CAT: variants seen among roughly 807,000 people sequenced by gnomAD.
CAT encodes the protein catalase.
A neutral mutation model predicts 59.0 loss-of-function variants in CAT; 43 were observed. The observed-to-expected ratio is 0.73, with a 90% CI of 0.57 to 0.94. CAT has a LOEUF of 0.94. Among genes scored for constraint, CAT ranks in the 40% least tolerant of loss-of-function variants. The pLI is 0.00. For missense variants in CAT, 664 were observed against 682.9 expected, an observed-to-expected ratio of 0.97 and a Z score of 0.31; for synonymous variants, 218 against 230.9, an observed-to-expected ratio of 0.94 and a Z score of 0.51.
At chr11:34,458,651 C>T (rs1281551436) in intron 8 of CAT, among the ~76,000 whole-genome samples, 2 of 152,078 alleles carry the variant, frequency 1.3e-5, no homozygotes, top group Non-Finnish European at 2.9e-5. Flanking sequence ...CCCTGGTTAC[C>T]CAGGGAGGGA....
rs746696181 is a variant in CAT at position 34,452,180 on chromosome 11, C to T, written c.453C>T (p.Pro151=). ...GGGATCTCGTTGGAAATAACACCCC[C>T]ATTTTCTTCATCAGGGATCCCATAT... ...GNWDLVGNNT[P]IFFIRDPILF... is the part of the protein sequence containing the mutation. The change falls in exon 4 of 13, where the codon CCC becomes CCT. Residue 151 remains proline (P), a synonymous_variant. Transcript: ENST00000241052. 6 of 1,613,818 alleles carry T rather than the reference C, an allele frequency of 3.7e-6. No homozygotes were observed. The South Asian group carries it at 6.6e-5, about 18-fold the overall frequency.
intron 4 of CAT, 114 bp from the exon 5 acceptor site, chr11:34,452,976 G>C: frequency 2.7e-6 from 2 of 739,214 alleles, no homozygotes; most frequent in Non-Finnish European, 4.8e-6. Flanking sequence ...TAAAATTCTA[G>C]GATTGTATTT....
In CAT at chr11:34,449,131, A is replaced by T. The variant is rs17884576; in HGVS notation, c.67-61A>T. The T allele has an allele frequency of 1.8e-5, 25 of 1,363,614 alleles. No homozygotes were observed. The Admixed American group carries it at 3.7e-4, about 20-fold the overall frequency. The allele number at this position is 1,363,614 out of a possible 1,614,324, so 84.5% of individuals were successfully genotyped here. A position where few individuals can be genotyped will look rare whatever the true frequency, so the allele number is the denominator to read the frequency against. On this transcript the variant is annotated intron_variant, in intron 1 of 12. Coordinates refer to ENST00000241052, the MANE Select transcript of CAT (RefSeq NM_001752.4). Reference sequence around the variant, plus strand: ...CATTGCAAAGCTATGTACCCGTGACAGTGTAAATGAAAGGTTTGATTGTGC... The same window carrying T: ...CATTGCAAAGCTATGTACCCGTGACTGTGTAAATGAAAGGTTTGATTGTGC...
At chr11:34,466,328 A>G (rs992189140) in intron 10 of CAT, among the ~76,000 whole-genome samples, 4 of 152,244 alleles carry the variant, frequency 2.6e-5, no homozygotes, top group African/African-American at 7.2e-5. Context: ...GCATTCAACA[A>G]TAAATGACCA....
intron 8 of CAT, among the ~76,000 whole-genome samples, chr11:34,458,764 G>A (rs1856617361): frequency 6.6e-6 from 1 of 152,236 alleles, no homozygotes; most frequent in South Asian, 2.1e-4. Context: ...CAGCAGCACT[G>A]AGTCATATAA....
chr11:34,460,153 C>T (rs1300639140), intron 8 of CAT, among the ~76,000 whole-genome samples: 1 of 152,054 alleles, frequency 6.6e-6, no homozygotes, highest in African/African-American at 2.4e-5. Context: ...AAAAATTGCT[C>T]ATAGAAAAGG....
chr11:34,447,463 G>A (rs1472039130), intron 1 of CAT, among the ~76,000 whole-genome samples: 7 of 152,060 alleles, frequency 4.6e-5, no homozygotes, highest in African/African-American at 7.3e-5. Context: ...ACCTACAGAG[G>A]GTAACACGTA....
rs531889175 is a variant in CAT at position 34,453,000 on chromosome 11, A to G, written c.481-90A>G. 4.2e-5 allele frequency: 34 copies of G among 800,378 alleles called. No individual in the cohort carries two copies. In the East Asian group the frequency reaches 6.8e-4, roughly 16 times the overall value. 49.6% of individuals were successfully genotyped at this position (800,378 alleles called of 1,614,324 possible). ...AGGATTGTATTTAGAATTATAATCC[A>G]TAAACCTAGTAATAGGCATATATAA... is the stretch of plus-strand genomic sequence containing the variant. On this transcript the variant is annotated intron_variant, in intron 4 of 12. Coordinates refer to ENST00000241052, the MANE Select transcript of CAT (RefSeq NM_001752.4).
intron 8 of CAT, among the ~76,000 whole-genome samples, chr11:34,460,467 T>C (rs1856637230): frequency 6.7e-6 from 1 of 148,786 alleles, no homozygotes; most frequent in South Asian, 2.1e-4. Context: ...TTTTTTTTTT[T>C]TTTTCTGATC....
At chr11:34,447,090 T>C (rs1856465864) in intron 1 of CAT, among the ~76,000 whole-genome samples, 1 of 152,184 alleles carries the variant, frequency 6.6e-6, no homozygotes, top group Non-Finnish European at 1.5e-5. Flanking sequence ...ACCTTGTTTG[T>C]AAGTTGAAAA....
chr11:34,448,938 G>T (rs1856489439), intron 1 of CAT, among the ~76,000 whole-genome samples: 1 of 152,150 alleles, frequency 6.6e-6, no homozygotes, highest in Non-Finnish European at 1.5e-5. Flanking sequence ...CACATTTTCA[G>T]GCTCCAAAAT....
Position 34,449,792 on chromosome 11 carries a change from T to C in CAT, c.238+429T>C, listed in dbSNP as rs546691675. ...AAATAGAGACTCAAAATACCTCTTA[T>C]ATTAAACATTGAAATAAATGTGAGC... On this transcript the variant is annotated intron_variant, in intron 2 of 12. Coordinates refer to ENST00000241052, the MANE Select transcript of CAT (RefSeq NM_001752.4). Among the ~76,000 whole-genome samples, 3 of 152,342 alleles carry C rather than the reference T, an allele frequency of 2.0e-5. 1 individual carries two copies. The South Asian group carries it at 6.2e-4, about 32-fold the overall frequency.
Position 34,471,606 on chromosome 11 carries a change from G to A in CAT, c.*173G>A. ...AACAATTTTAATGCTATTTCCCCAG[G>A]GGAAAATGAAGGTTAGGATTTAACA... On this transcript the variant is annotated 3_prime_UTR_variant, in exon 13 of 13. Coordinates refer to ENST00000241052, the MANE Select transcript of CAT (RefSeq NM_001752.4). The A allele has an allele frequency of 3.1e-6, 2 of 650,414 alleles. No individual in the cohort carries two copies. Among genetic ancestry groups the A allele is most frequent in the Non-Finnish European group, 2.8e-6 (1 of 358,398 alleles). The allele number at this position is 650,414 out of a possible 1,614,324, so 40.3% of individuals were successfully genotyped here.
intron 10 of CAT, among the ~76,000 whole-genome samples, chr11:34,464,916 A>G (rs769653640): frequency 2.0e-5 from 3 of 151,408 alleles, no homozygotes; most frequent in Non-Finnish European, 4.4e-5. Flanking sequence ...ATGGAATCCT[A>G]TTGACTTGGC....
intron 8 of CAT, among the ~76,000 whole-genome samples, chr11:34,459,948 A>G (rs978158847): frequency 6.6e-6 from 1 of 152,250 alleles, no homozygotes; most frequent in African/African-American, 2.4e-5. Flanking sequence ...TGAAATGATG[A>G]TAAGAGGGAG....
intron 1 of CAT, among the ~76,000 whole-genome samples, chr11:34,448,304 A>T (rs1397199514): frequency 1.3e-5 from 2 of 152,150 alleles, no homozygotes; most frequent in Non-Finnish European, 2.9e-5. Context: ...TCCCAGGTGG[A>T]GGTGGCGTAG....
At chr11:34,453,279 T>G (rs1420525657) in intron 5 of CAT, 85 bp downstream of exon 5, 1 of 887,742 alleles carries the variant, frequency 1.1e-6, no homozygotes, top group Non-Finnish European at 1.9e-6. Context: ...TCTCCAGTTT[T>G]GGCTATTTTA....
chr11:34,460,623 A>ATT (rs1249336440), intron 8 of CAT: 12 of 151,480 alleles, frequency 7.9e-5, no homozygotes, highest in Admixed American at 1.3e-4. Flanking sequence ...TAATGTTTTA[A>ATT]TTTTTTTTTT....
intron 10 of CAT, among the ~76,000 whole-genome samples, chr11:34,464,750 T>C (rs1002342633): frequency 2.6e-5 from 4 of 152,028 alleles, no homozygotes; most frequent in Non-Finnish European, 5.9e-5. Flanking sequence ...TCCTGTTTTC[T>C]CCTATCTGCG....
Sources: allele counts gnomAD v4.1 joint callset (sites outside exome capture counted in the v4.1 genomes callset), GRCh38; gene constraint gnomAD v4.1.1; transcripts MANE v1.5; gene names NCBI Gene and HGNC (gene_info 2026-07-23, HGNC 2026-07-21).